MVP: variants seen among roughly 807,000 people sequenced by gnomAD.
The protein encoded by MVP is lung resistance-related protein.
In MVP, 62 loss-of-function variants were observed where a neutral mutation model predicts 83.5. That is an observed-to-expected ratio of 0.74 (90% CI 0.61 to 0.92). MVP has a LOEUF of 0.92. Among genes scored for constraint, MVP ranks in the 40% least tolerant of loss-of-function variants. The probability of loss-of-function intolerance (pLI) is 0.00; values close to 1 mark genes in which losing one functional copy is unlikely to be tolerated. For missense variants in MVP, 1,000 were observed against 1,203.4 expected, an observed-to-expected ratio of 0.83 and a Z score of 2.50; for synonymous variants, 505 against 504.1, an observed-to-expected ratio of 1.00 and a Z score of -0.02.
Position 29,836,770 on chromosome 16 carries a change from G to T in MVP, c.721G>T (p.Val241Leu). The change falls in exon 7 of 15, where the codon GTG becomes TTG. Residue 241 changes from valine to leucine, a missense_variant. By Grantham distance (32) the Val-to-Leu change is conservative (BLOSUM62 1). Transcript: ENST00000357402. ...ARRNFRDFRG[V>L]SRRTGEEWLV... ...GCGGAACTTCCGGGACTTCAGGGGA[G>T]TGTCCCGCCGCACTGGGGAGGAGTG... The T allele has an allele frequency of 6.2e-7, 1 of 1,611,666 alleles. No homozygotes were observed.
chr16:29,845,764 T>C, intron 11 of MVP, 99 bp from the exon 12 acceptor site: 5 of 986,232 alleles, frequency 5.1e-6, no homozygotes, highest in Non-Finnish European at 7.6e-6. Flanking sequence ...GGCTGGGGTC[T>C]GTCCTGGGCA....
intron 1 of MVP, 37 bp from the exon 2 acceptor site, chr16:29,830,478 C>T: frequency 6.4e-7 from 1 of 1,572,790 alleles, no homozygotes; most frequent in Non-Finnish European, 8.7e-7. Flanking sequence ...CCCCAGGCTC[C>T]CCAGGTTCAT....
In MVP at chr16:29,845,985, T is replaced by C. The variant is rs760534703; in HGVS notation, c.2138+6T>C. 4 of 1,613,852 alleles carry C rather than the reference T, an allele frequency of 2.5e-6. No homozygotes were observed. Among genetic ancestry groups the C allele is most frequent in the Non-Finnish European group, 3.4e-6 (4 of 1,179,942 alleles). On this transcript the variant is annotated splice_donor_region_variant and intron_variant, in intron 12 of 14. Transcript: ENST00000357402. ...TTGGAGCTGGAGGCTCTGAGGTGGG[T>C]TGAGAACTAGAGGAGGAGACTGGCA...
intron 4 of MVP, 34 bp downstream of exon 4, chr16:29,833,890 C>T (rs1038762180): frequency 3.1e-6 from 5 of 1,614,010 alleles, no homozygotes; most frequent in Non-Finnish European, 4.2e-6. Context: ...CCCTGCCTTC[C>T]TGTCATAGCC....
At chr16:29,822,041 C>G (rs1396419782) in intron 1 of MVP, among the ~76,000 whole-genome samples, 1 of 151,118 alleles carries the variant, frequency 6.6e-6, no homozygotes, top group African/African-American at 2.4e-5. Context: ...GCCTGAGCAA[C>G]ATAGCGAGAC....
intron 1 of MVP, among the ~76,000 whole-genome samples, chr16:29,828,513 G>A (rs1205927064): frequency 6.6e-6 from 1 of 152,038 alleles, no homozygotes; most frequent in Non-Finnish European, 1.5e-5. Context: ...CCTAGTAGCT[G>A]GGATTATAGG....
chr16:29,835,578 G>A, intron 5 of MVP, 126 bp from the exon 6 acceptor site: 1 of 634,298 alleles, frequency 1.6e-6, no homozygotes, highest in East Asian at 3.0e-5. Flanking sequence ...AGGAACTTGA[G>A]CCTGGGGTCA....
chr16:29,836,633 G>A, intron 6 of MVP, 89 bp from the exon 7 acceptor site: 1 of 982,022 alleles, frequency 1.0e-6, no homozygotes, highest in Non-Finnish European at 1.5e-6. Context: ...AGATCTGGGA[G>A]CATTGGGAGC....
At position 29,846,264 on chromosome 16, in the gene MVP, C is replaced by CA; in HGVS notation, c.2246dup (p.Ala750GlyfsTer5). On this transcript the variant is annotated frameshift_variant, in exon 13 of 15. Transcript: ENST00000357402. LOFTEE classifies it high-confidence loss of function. Reference sequence around the variant, plus strand: ...CGTGCTGCAGGCCAAGCTAAAAGCACAGGCCTTGGCCATTGAAACGGTGAG... The same window carrying CA: ...CGTGCTGCAGGCCAAGCTAAAAGCACAAGGCCTTGGCCATTGAAACGGTGAG... 1.9e-6 allele frequency: 3 copies of CA among 1,568,960 alleles called. No individual in the cohort carries two copies. The South Asian group carries it at 3.5e-5, about 18-fold the overall frequency.
At chr16:29,834,313 G>A in intron 5 of MVP, 1 of 472,076 alleles carries the variant, frequency 2.1e-6, no homozygotes, top group Admixed American at 3.4e-5. Flanking sequence ...CCTTCACCAT[G>A]AGCTGTGGGC....
intron 5 of MVP, 57 bp from the exon 6 acceptor site, chr16:29,835,647 G>T: frequency 1.4e-6 from 2 of 1,423,502 alleles, no homozygotes; most frequent in South Asian, 1.2e-5. Flanking sequence ...GTGGGGGAGG[G>T]GTAGGTGGGG....
chr16:29,827,733 G>A (rs2067414358), intron 1 of MVP, among the ~76,000 whole-genome samples: 1 of 152,080 alleles, frequency 6.6e-6, no homozygotes, highest in African/African-American at 2.4e-5. Flanking sequence ...AGGCAACATA[G>A]CAGGACCTTG....
At chr16:29,846,429 T>TTG (rs2067586661) in intron 13 of MVP, 145 bp downstream of exon 13, 1 of 1,269,738 alleles carries the variant, frequency 7.9e-7, no homozygotes, top group Admixed American at 3.2e-5. Context: ...GTCCTTTGCC[T>TTG]TGTAGGATTC....
At chr16:29,835,135 T>G (rs971140127) in intron 5 of MVP, 1 of 152,222 alleles carries the variant, frequency 6.6e-6, no homozygotes, top group African/African-American at 2.4e-5. Flanking sequence ...CCAAAGGACA[T>G]CCACAACTCT....
chr16:29,823,656 A>G (rs779581885), intron 1 of MVP, among the ~76,000 whole-genome samples: 26 of 152,010 alleles, frequency 1.7e-4, no homozygotes, highest in Admixed American at 3.3e-4. Flanking sequence ...GATCAAGACC[A>G]TCCTGGCTAA....
chr16:29,839,499 G>A (rs1177258964), intron 7 of MVP, among the ~76,000 whole-genome samples: 2 of 151,884 alleles, frequency 1.3e-5, no homozygotes, highest in East Asian at 1.9e-4. Flanking sequence ...AGAAACAGGC[G>A]GTGCTGGGCG....
chr16:29,842,203 C>A, intron 10 of MVP, 91 bp downstream of exon 10: 2 of 1,355,558 alleles, frequency 1.5e-6, no homozygotes, highest in South Asian at 1.3e-5. Context: ...CCTAGGAGGT[C>A]CAGGCTGCAG....
intron 7 of MVP, among the ~76,000 whole-genome samples, chr16:29,837,520 G>A (rs1473038682): frequency 1.3e-5 from 2 of 152,104 alleles, no homozygotes; most frequent in African/African-American, 2.4e-5. Flanking sequence ...TTGGGAGGCC[G>A]AGGCAGGTGG....
intron 12 of MVP, 63 bp from the exon 13 acceptor site, chr16:29,846,095 A>C: frequency 6.2e-7 from 1 of 1,601,612 alleles, no homozygotes; most frequent in Non-Finnish European, 8.5e-7. Context: ...CTACAGCATA[A>C]GCCAAGGCCG....
Sources: gnomAD v4.1 joint callset for allele counts (sites outside exome capture counted in the v4.1 genomes callset) on GRCh38, gnomAD v4.1.1 for gene constraint, MANE v1.5 for transcripts, NCBI Gene and HGNC (gene_info 2026-07-23, HGNC 2026-07-21) for gene names.